The following ACLY variants were observed in gnomAD, a reference collection of about 807,000 sequenced individuals.
The protein encoded by ACLY is ATP citrate lyase.
In ACLY, 41 loss-of-function variants were observed where a neutral mutation model predicts 133.0. The observed-to-expected ratio is 0.31, with a 90% CI of 0.24 to 0.40. The LOEUF is 0.40. Among genes scored for constraint, ACLY ranks in the 10% least tolerant of loss-of-function variants. The pLI is 1.00. For missense variants in ACLY, 1,046 were observed against 1,453.8 expected (o/e 0.72, Z 4.56); for synonymous variants, 495 against 549.3 (o/e 0.90, Z 1.38).
chr17:41,872,497 T>C (rs2048622284), intron 23 of ACLY, among the ~76,000 whole-genome samples: 1 of 152,160 alleles, frequency 6.6e-6, no homozygotes, highest in African/African-American at 2.4e-5. Context: ...GGCTAATTTT[T>C]GTATTTTTAG....
Position 41,898,706 on chromosome 17 carries a change from G to T in ACLY, c.1263C>A (p.His421Gln), listed in dbSNP as rs782162893. ...TGGGTGGCTGGTTGGGGATGGGCCGGTGGCCCAGGGCCATGCCCACAATGG... is the reference window on the plus strand; with the variant it reads ...TGGGTGGCTGGTTGGGGATGGGCCGTTGGCCCAGGGCCATGCCCACAATGG... ...MTAIVGMALG[H>Q]RPIPNQPPTA... Residue 421 changes from histidine (H) to glutamine (Q), a missense_variant, in exon 12 of 29, where the codon CAC (histidine) becomes CAA (glutamine). Coordinates refer to ENST00000352035, the MANE Select transcript of ACLY (RefSeq NM_001096.3). 6.2e-7 allele frequency: 1 copy of T among 1,613,798 alleles called. No individual in the cohort carries two copies. Among genetic ancestry groups the T allele is most frequent in the African/African-American group, 1.3e-5 (1 of 74,926 alleles).
At chr17:41,901,185 C>A (rs1370061260) in intron 11 of ACLY, among the ~76,000 whole-genome samples, 1 of 151,618 alleles carries the variant, frequency 6.6e-6, no homozygotes, top group Non-Finnish European at 1.5e-5. Context: ...GTCTTGAACT[C>A]CTGAGCTCAA....
intron 14 of ACLY, 48 bp from the exon 15 acceptor site, chr17:41,893,222 G>A (rs782043197): frequency 6.4e-7 from 1 of 1,565,122 alleles, no homozygotes; most frequent in South Asian, 1.2e-5. Flanking sequence ...ATACCCCCAG[G>A]AGACCTGCAG....
intron 14 of ACLY, 57 bp from the exon 15 acceptor site, chr17:41,893,231 A>T: frequency 1.3e-6 from 2 of 1,556,378 alleles, no homozygotes; most frequent in Non-Finnish European, 1.7e-6. Context: ...GGAGACCTGC[A>T]GGGGCCAGGG....
rs542980351 is a variant in ACLY, at chr17:41,901,781, G to A, written c.1098C>T (p.Gly366=). 45 of 1,595,616 alleles carry A rather than the reference G, an allele frequency of 2.8e-5. No individual in the cohort carries two copies. In the South Asian group the frequency reaches 3.0e-4, roughly 11 times the overall value. Residue 366 remains glycine, a synonymous_variant, in exon 11 of 29, where the codon GGC becomes GGT. Coordinates refer to ENST00000352035, the MANE Select transcript of ACLY (RefSeq NM_001096.3). ...GIVRAIRDYQ[G]PLKEHEVTIF... ...TTGTGACTTCGTGCTCCTTCAGGGG[G>A]CCCTGGTAATCTCGAATTGCTCTCA...
chr17:41,874,971 C>T (rs1016300156), intron 22 of ACLY, among the ~76,000 whole-genome samples: 1 of 150,646 alleles, frequency 6.6e-6, no homozygotes, highest in African/African-American at 2.4e-5. Context: ...GTAACCAGCC[C>T]AAGGTCACCT....
intron 22 of ACLY, among the ~76,000 whole-genome samples, chr17:41,877,162 C>T (rs1350060520): frequency 4.0e-5 from 6 of 149,832 alleles, no homozygotes; most frequent in South Asian, 4.2e-4. Flanking sequence ...TTTTTTGAGA[C>T]GGAGTTTCGC....
At chr17:41,927,825 CA>C (rs879961497) in intron 1 of ACLY, among the ~76,000 whole-genome samples, 44 of 126,794 alleles carry the variant, frequency 3.5e-4, no homozygotes, top group East Asian at 6.9e-4. Flanking sequence ...GACTCCATCT[CA>C]AAAAAAAAAA....
chr17:41,918,564 G>A (rs1458876178), intron 1 of ACLY, among the ~76,000 whole-genome samples: 1 of 152,210 alleles, frequency 6.6e-6, no homozygotes, highest in Non-Finnish European at 1.5e-5. Flanking sequence ...GCCCGGGAGG[G>A]GTGAGGCGCG....
intron 1 of ACLY, among the ~76,000 whole-genome samples, chr17:41,928,934 T>C (rs1555636273): frequency 6.6e-6 from 1 of 151,794 alleles, no homozygotes. Context: ...GGAGGTTTTT[T>C]TCTGATTAAT....
At chr17:41,897,888 A>C in intron 12 of ACLY, 49 bp from the exon 13 acceptor site, 1 of 1,540,768 alleles carries the variant, frequency 6.5e-7, no homozygotes, top group Non-Finnish European at 8.8e-7. Context: ...CACACCTGGG[A>C]AAAAAGCCAC....
chr17:41,904,105 G>A (rs1257746242), intron 10 of ACLY, among the ~76,000 whole-genome samples: 1 of 145,246 alleles, frequency 6.9e-6, no homozygotes, highest in Non-Finnish European at 1.5e-5. Flanking sequence ...CAACAAGAGT[G>A]AAACTCCATG....
At chr17:41,914,636 C>T (rs149361523) in intron 1 of ACLY, among the ~76,000 whole-genome samples, 2 of 152,290 alleles carry the variant, frequency 1.3e-5, no homozygotes, top group African/African-American at 4.8e-5. Flanking sequence ...ACATTCCACC[C>T]GCCCCACTGC....
chr17:41,882,629 AC>A (rs1555627572), intron 20 of ACLY, among the ~76,000 whole-genome samples: 1 of 152,022 alleles, frequency 6.6e-6, no homozygotes, highest in African/African-American at 2.4e-5. Context: ...TATATTCAAC[AC>A]CATCAGGTGC....
At chr17:41,871,957 C>T (rs2048609028) in intron 24 of ACLY, 75 bp downstream of exon 24, 5 of 1,598,532 alleles carry the variant, frequency 3.1e-6, no homozygotes, top group Middle Eastern at 1.8e-4. Flanking sequence ...CCTTCTAGGG[C>T]CCTGCTGTGG....
chr17:41,900,557 A>G (rs1470865597), intron 11 of ACLY, among the ~76,000 whole-genome samples: 1 of 150,440 alleles, frequency 6.6e-6, no homozygotes, highest in Non-Finnish European at 1.5e-5. Context: ...CTATCTCACA[A>G]CAAATTTTTT....
At chr17:41,930,500 G>A (rs1403998441) in exon 1 of ACLY, 1 of 495,370 alleles carries the variant, frequency 2.0e-6, no homozygotes, top group Non-Finnish European at 3.7e-6. Context: ...CAGCCCAGCC[G>A]TCAGCCACGC....
intron 3 of ACLY, 114 bp downstream of exon 3, chr17:41,912,306 C>T (rs1222693786): frequency 6.3e-6 from 9 of 1,439,938 alleles, no homozygotes; most frequent in African/African-American, 4.2e-5. Flanking sequence ...CTCCTGCCTT[C>T]CCTGAGCTAC....
At chr17:41,906,769 A>C in intron 7 of ACLY, 123 bp from the exon 8 acceptor site, 1 of 875,938 alleles carries the variant, frequency 1.1e-6, no homozygotes, top group Non-Finnish European at 1.9e-6. Context: ...GGTGGGAAGA[A>C]GGGGCTACGC....
Sources: allele counts gnomAD v4.1 joint callset (sites outside exome capture counted in the v4.1 genomes callset), GRCh38; gene constraint gnomAD v4.1.1; transcripts MANE v1.5; gene names NCBI Gene and HGNC (gene_info 2026-07-23, HGNC 2026-07-21).